The following TENM2 variants were observed in gnomAD, a reference collection of about 807,000 sequenced individuals.
The protein encoded by TENM2 is teneurin-2.
Under a neutral mutation model 245.2 loss-of-function variants are expected in TENM2, and 52 were observed. That is an observed-to-expected ratio of 0.21 (90% CI 0.17 to 0.27). The LOEUF is 0.27. Among genes scored for constraint, TENM2 ranks in the 10% least tolerant of loss-of-function variants. The pLI is 1.00. For missense variants in TENM2, 3,046 were observed against 3,666.8 expected, an observed-to-expected ratio of 0.83 and a Z score of 4.37; for synonymous variants, 1,363 against 1,438.9, an observed-to-expected ratio of 0.95 and a Z score of 1.19.
At chr5:167,739,699 T>G (rs766788370) in intron 2 of TENM2, among the ~76,000 whole-genome samples, 1 of 152,114 alleles carries the variant, frequency 6.6e-6, no homozygotes, top group Non-Finnish European at 1.5e-5. Context: ...AAACCCTAGT[T>G]CCCCTGCTGA....
chr5:167,616,650 G>C (rs193088875), intron 2 of TENM2, among the ~76,000 whole-genome samples: 1 of 152,130 alleles, frequency 6.6e-6, no homozygotes, highest in East Asian at 1.9e-4. Flanking sequence ...AGAAATAAGG[G>C]AAGGGAGGAA....
chr5:168,242,241 A>G (rs1229497802), intron 25 of TENM2, among the ~76,000 whole-genome samples: 1 of 152,182 alleles, frequency 6.6e-6, no homozygotes, highest in Non-Finnish European at 1.5e-5. Flanking sequence ...AATGTGTTTC[A>G]TTACCTGGGC....
chr5:167,925,790 C>T (rs1376493295), intron 3 of TENM2, among the ~76,000 whole-genome samples: 2 of 152,178 alleles, frequency 1.3e-5, no homozygotes, highest in Non-Finnish European at 2.9e-5. Flanking sequence ...AGTACAAGAT[C>T]ACGTCTTTTG....
the TENM2 span, among the ~76,000 whole-genome samples, chr5:167,174,949 G>A: frequency 7.6e-4 from 115 of 150,816 alleles, no homozygotes; most frequent in African/African-American, 2.4e-3. Flanking sequence ...GGCTAATTTC[G>A]CTTAGCACAA....
chr5:167,170,794 A>C, the TENM2 span, among the ~76,000 whole-genome samples: 1 of 152,220 alleles, frequency 6.6e-6, no homozygotes, highest in Admixed American at 6.5e-5. Flanking sequence ...CTCATAGCTA[A>C]ATCCAGTGGC....
chr5:167,375,353 G>C, exon 2 of TENM2: 1 of 1,551,626 alleles, frequency 6.4e-7, no homozygotes, highest in Non-Finnish European at 8.7e-7. Context: ...TCCAGAACAC[G>C]CCATCAGACT....
At chr5:167,300,913 G>T (rs1755273264) in intron 1 of TENM2, among the ~76,000 whole-genome samples, 2 of 152,146 alleles carry the variant, frequency 1.3e-5, no homozygotes, top group South Asian at 4.1e-4. Context: ...GTGCTTAAAA[G>T]AGTATTATCT....
At chr5:167,920,007 G>A (rs1777229643) in intron 3 of TENM2, among the ~76,000 whole-genome samples, 1 of 152,130 alleles carries the variant, frequency 6.6e-6, no homozygotes, top group African/African-American at 2.4e-5. Context: ...CTGCATTTCG[G>A]AGTGCCTGAG....
intron 7 of TENM2, among the ~76,000 whole-genome samples, chr5:168,070,956 GAAAGGAAGGGAAAGGGA>G (rs928564144): frequency 6.6e-6 from 1 of 151,436 alleles, no homozygotes; most frequent in African/African-American, 2.4e-5. Context: ...GAAAGGAAAG[GAAAGGAAGGGAAAGGGA>G]AAGGGAAAGG....
chr5:167,156,838 G>A, the TENM2 span, among the ~76,000 whole-genome samples: 24 of 152,258 alleles, frequency 1.6e-4, no homozygotes, highest in South Asian at 3.9e-3. Context: ...CAAGTGGCTC[G>A]TCTTGGCACC....
intron 2 of TENM2, among the ~76,000 whole-genome samples, chr5:167,800,392 A>T (rs190853512): frequency 4.9e-4 from 75 of 152,330 alleles, no homozygotes; most frequent in African/African-American, 1.3e-3. Flanking sequence ...CTGTCGTGGA[A>T]CACCCAAGAC....
At chr5:168,148,903 A>ATAGG (rs1412495015) in intron 12 of TENM2, among the ~76,000 whole-genome samples, 1 of 136,052 alleles carries the variant, frequency 7.4e-6, no homozygotes, top group Non-Finnish European at 1.6e-5. Flanking sequence ...AGATAGATAG[A>ATAGG]TAGATAGATA....
chr5:167,066,327 G>A, the TENM2 span, among the ~76,000 whole-genome samples: 1 of 152,092 alleles, frequency 6.6e-6, no homozygotes, highest in Non-Finnish European at 1.5e-5. Context: ...GATTTAACAA[G>A]CATTCTTATT....
chr5:167,421,159 C>T (rs2127423440), intron 2 of TENM2, among the ~76,000 whole-genome samples: 1 of 152,072 alleles, frequency 6.6e-6, no homozygotes, highest in South Asian at 2.1e-4. Context: ...TAACTAACCT[C>T]ATATGGAACA....
the TENM2 span, among the ~76,000 whole-genome samples, chr5:167,237,909 G>T: frequency 6.6e-6 from 1 of 151,040 alleles, no homozygotes; most frequent in East Asian, 2.0e-4. Context: ...TACTCAGGAG[G>T]CTGAGCCAGA....
At chr5:167,343,903 T>C (rs552100777) in intron 1 of TENM2, among the ~76,000 whole-genome samples, 38 of 152,018 alleles carry the variant, frequency 2.5e-4, no homozygotes, top group Non-Finnish European at 3.4e-4. Context: ...TTATTTATTA[T>C]ATTACAAAAA....
chr5:168,162,581 C>T, intron 12 of TENM2, 30 bp from the exon 15 acceptor site: 1 of 1,608,344 alleles, frequency 6.2e-7, no homozygotes, highest in Non-Finnish European at 8.5e-7. Flanking sequence ...TCACGTCCCT[C>T]CTTCTCATCC....
chr5:167,317,383 C>G (rs1938142935), intron 1 of TENM2, among the ~76,000 whole-genome samples: 1 of 152,088 alleles, frequency 6.6e-6, no homozygotes, highest in Non-Finnish European at 1.5e-5. Flanking sequence ...CTCTTTCATC[C>G]TACCATAGAA....
chr5:167,884,751 A>T (rs1265118691), intron 3 of TENM2, among the ~76,000 whole-genome samples: 1 of 152,130 alleles, frequency 6.6e-6, no homozygotes, highest in Non-Finnish European at 1.5e-5. Flanking sequence ...ACTTGCTTTG[A>T]CCTCTTTTGG....
Sources: allele counts gnomAD v4.1 joint callset (sites outside exome capture counted in the v4.1 genomes callset), GRCh38; gene constraint gnomAD v4.1.1; transcripts MANE v1.5; gene names NCBI Gene and HGNC (gene_info 2026-07-23, HGNC 2026-07-21).